Variants in TAF1 observed in about 807,000 individuals in gnomAD.
TAF1 encodes transcription initiation factor TFIID subunit 1.
Under a neutral mutation model 138.5 loss-of-function variants are expected in TAF1, and 2 were observed. The ratio of observed to expected loss-of-function variants is 0.01; its 90% CI spans 0.01 to 0.05. The LOEUF (loss-of-function observed/expected upper bound fraction) is 0.05, where lower values mean the gene tolerates loss of function less well. TAF1 is among the 10% of genes least tolerant of loss of function. The pLI, the probability that TAF1 is intolerant of heterozygous loss-of-function variation, is 1.00. For synonymous variants in TAF1, 437 were observed against 503.2 expected (o/e 0.87, Z 1.76); for missense variants, 709 against 1,478.0 (o/e 0.48, Z 8.53).
rs1391499700 is a variant in TAF1, at chrX:71,459,561, G to T, written c.5074G>T (p.Asp1692Tyr). 1 of 1,211,058 alleles carries T rather than the reference G, an allele frequency of 8.3e-7. No homozygotes were observed. The highest frequency in any genetic ancestry group is 1.8e-5 in the South Asian group (1 of 56,894). ...PEKQVTQEGE[D>Y]GDGDLADEEE... ...AACTGGTCTCATTCAGGAAGGTGAA[G>T]ATGGAGATGGTGATCTTGCAGATGA... Residue 1692 changes from aspartate (D) to tyrosine (Y), a missense_variant, in exon 36 of 38, where the codon GAT (aspartate) becomes TAT (tyrosine). By Grantham distance (160) the Asp-to-Tyr change is radical. Around this residue, in one of 14 missense-constraint regions of TAF1, gnomAD observed 123 missense variants for 174.7 expected, o/e 0.70. Transcript: ENST00000423759.
At chrX:71,458,716 TAAATTA>T (rs1455189216) in intron 35 of TAF1, among the ~76,000 whole-genome samples, 1 of 112,072 alleles carries the variant, frequency 8.9e-6, no homozygotes, top group Non-Finnish European at 1.9e-5. Flanking sequence ...TATTATAATT[TAAATTA>T]AAATTATTTA....
Position 71,424,076 on chromosome X carries a change from T to C in TAF1, c.4668+10T>C, listed in dbSNP as rs2036479182. The C allele has an allele frequency of 8.3e-7, 1 of 1,202,379 alleles. No homozygotes were observed. The highest frequency in any genetic ancestry group is 2.2e-5 in the Admixed American group (1 of 45,410). On this transcript the variant is annotated intron_variant, in intron 31 of 37. Coordinates refer to ENST00000423759, the MANE Select transcript of TAF1 (RefSeq NM_004606.5). Reference sequence around the variant, plus strand: ...AGAGACCATACGTAAGGTGAGTGAGTGATTTGATCTAAATGCCTTTTTGTA... The same window carrying C: ...AGAGACCATACGTAAGGTGAGTGAGCGATTTGATCTAAATGCCTTTTTGTA...
intron 32 of TAF1, among the ~76,000 whole-genome samples, chrX:71,440,887 T>G (rs1451124399): frequency 9.0e-6 from 1 of 111,219 alleles, no homozygotes; most frequent in African/African-American, 3.3e-5. Context: ...TCTTTTCATG[T>G]GCCATCTGTG....
chrX:71,524,069 C>T (rs186453151), intron 13 of TAF1, among the ~76,000 whole-genome samples: 70 of 103,414 alleles, frequency 6.8e-4, no homozygotes, highest in African/African-American at 2.3e-3. Flanking sequence ...TCACCCAGGC[C>T]GGAGTGCAGT....
At chrX:71,387,131 G>T (rs1303839169) in intron 14 of TAF1, 130 bp from the exon 15 acceptor site, 2 of 627,606 alleles carry the variant, frequency 3.2e-6, no homozygotes. Flanking sequence ...TAATTTATTT[G>T]TATTACTGGA....
In TAF1 at chrX:71,394,227, C is replaced by T. The variant is rs1218281677; in HGVS notation, c.3388C>T (p.Leu1130=). The change falls in exon 22 of 38, where the codon CTA becomes TTA. Residue 1130 remains leucine (L), a synonymous_variant. Transcript: ENST00000423759. ...REREEQERKE[L]QRMLLAAGSA... The stretch of plus-strand genomic sequence containing the variant: ...ACGGGAGGAACAGGAGCGGAAGGAA[C>T]TACAGCGAATGCTACTGGGTGAGGA... The T allele has an allele frequency of 8.3e-7, 1 of 1,209,010 alleles. No individual in the cohort carries two copies. Among genetic ancestry groups the T allele is most frequent in the South Asian group, 1.8e-5 (1 of 56,455 alleles).
chrX:71,493,332 G>A (rs915362205), intron 13 of TAF1, among the ~76,000 whole-genome samples: 5 of 112,032 alleles, frequency 4.5e-5, no homozygotes, highest in African/African-American at 1.3e-4. Context: ...TAAAACTCAC[G>A]TGATCTGATT....
rs1235522193 is a variant in TAF1 at position 71,465,027 on chromosome X, C to T, written c.*981C>T. ...AATGGTAAGTTTCTTAGGGCAAAGA[C>T]TGTGTCTTCTGTTTCTTTTCATGCT... On this transcript the variant is annotated 3_prime_UTR_variant, in exon 38 of 38. Coordinates refer to ENST00000423759, the MANE Select transcript of TAF1 (RefSeq NM_004606.5). 3.1e-5 allele frequency: 3 copies of T among 98,038 alleles called. No homozygotes were observed. Among genetic ancestry groups the T allele is most frequent in the Non-Finnish European group, 6.1e-5 (3 of 49,441 alleles). The allele number at this position is 98,038 out of a possible 1,213,427, so 8.1% of individuals were successfully genotyped here.
intron 13 of TAF1, among the ~76,000 whole-genome samples, chrX:71,384,580 T>C (rs2148303134): frequency 9.0e-6 from 1 of 110,779 alleles, no homozygotes; most frequent in Admixed American, 9.7e-5. Context: ...CAGCTAATTT[T>C]TGTATTTTTA....
chrX:71,512,188 G>A (rs1224065978), intron 13 of TAF1, among the ~76,000 whole-genome samples: 1 of 110,805 alleles, frequency 9.0e-6, no homozygotes, highest in African/African-American at 3.3e-5. Context: ...GGTGGCTGGC[G>A]CCTGTAGTCT....
chrX:71,409,269 G>A (rs2035645393), intron 28 of TAF1, among the ~76,000 whole-genome samples: 1 of 109,149 alleles, frequency 9.2e-6, no homozygotes, highest in Non-Finnish European at 1.9e-5. Context: ...GGGACTACAG[G>A]TGCTTTCCAT....
intron 28 of TAF1, among the ~76,000 whole-genome samples, chrX:71,416,891 G>A (rs1425438310): frequency 3.0e-5 from 3 of 98,847 alleles, no homozygotes; most frequent in South Asian, 5.5e-4. Context: ...GGGACAGGCC[G>A]GGCACGGTGG....
At chrX:71,414,208 CCACACTCT>C (rs1272613504) in intron 28 of TAF1, 139 of 71,350 alleles carry the variant, frequency 1.9e-3, no homozygotes, top group African/African-American at 7.1e-3. Flanking sequence ...AAGATGCCCC[CCACACTCT>C]CTATACCCTT....
At chrX:71,514,179 C>T (rs1385487037) in intron 13 of TAF1, among the ~76,000 whole-genome samples, 11 of 111,053 alleles carry the variant, frequency 9.9e-5, no homozygotes, top group Admixed American at 7.7e-4. Context: ...CCAGAAGGAA[C>T]GAATTCCGGA....
At chrX:71,392,498 C>G in intron 18 of TAF1, 71 bp from the exon 19 acceptor site, 1 of 1,064,375 alleles carries the variant, frequency 9.4e-7, no homozygotes, top group Non-Finnish European at 1.2e-6. Flanking sequence ...AATTATTCTA[C>G]TCTTGTAGAT....
intron 3 of TAF1, among the ~76,000 whole-genome samples, chrX:71,371,457 G>A (rs755158766): frequency 4.0e-4 from 45 of 111,557 alleles, no homozygotes; most frequent in African/African-American, 1.4e-3. Context: ...TTGGAAACAC[G>A]GCTTGTCTAA....
downstream of TAF1, among the ~76,000 whole-genome samples, chrX:71,470,425 G>A (rs188517290): frequency 4.7e-4 from 51 of 109,201 alleles, 1 homozygote; most frequent in African/African-American, 1.6e-3. Flanking sequence ...TGTATTATGC[G>A]CATATATATA....
chrX:71,437,484 G>A (rs1423752920), intron 32 of TAF1, among the ~76,000 whole-genome samples: 1 of 108,290 alleles, frequency 9.2e-6, no homozygotes, highest in Non-Finnish European at 1.9e-5. Context: ...TGAGGCGGGT[G>A]GATCACTTGA....
chrX:71,418,068 C>A (rs1190836683), intron 28 of TAF1, among the ~76,000 whole-genome samples: 2 of 111,784 alleles, frequency 1.8e-5, no homozygotes, highest in Admixed American at 9.6e-5. Flanking sequence ...CAAGTCATTT[C>A]TTTGACTAGA....
Sources: allele counts gnomAD v4.1 joint callset (sites outside exome capture counted in the v4.1 genomes callset), GRCh38; gene constraint gnomAD v4.1.1; regional missense constraint gnomAD v4.1.1; transcripts MANE v1.5; gene names NCBI Gene and HGNC (gene_info 2026-07-23, HGNC 2026-07-21).